Variants in PDLIM1 observed in about 807,000 individuals in gnomAD.
The protein encoded by PDLIM1 is PDZ and LIM domain 1, also known as PDZ and LIM domain protein 1.
A neutral mutation model predicts 35.2 loss-of-function variants in PDLIM1; 25 were observed. The ratio of observed to expected loss-of-function variants is 0.71; its 90% CI spans 0.52 to 0.99. The LOEUF is 0.99. Among genes scored for constraint, PDLIM1 ranks in the 50% least tolerant of loss-of-function variants. PDLIM1 has a pLI of 0.00. For missense variants in PDLIM1, 363 were observed against 415.3 expected (o/e 0.87, Z 1.09); for synonymous variants, 152 against 154.0 (o/e 0.99, Z 0.10).
At chr10:95,259,601 G>A (rs1169073039) in intron 4 of PDLIM1, among the ~76,000 whole-genome samples, 1 of 152,176 alleles carries the variant, frequency 6.6e-6, no homozygotes, top group African/African-American at 2.4e-5. Flanking sequence ...AGAAGAGAGA[G>A]GAATGCCCGC....
chr10:95,256,982 A>AG (rs1430334300), intron 4 of PDLIM1, among the ~76,000 whole-genome samples: 1 of 31,052 alleles, frequency 3.2e-5, no homozygotes, highest in South Asian at 8.3e-4. Flanking sequence ...CTTAAAAAAA[A>AG]AAAAAAAGAA....
intron 1 of PDLIM1, chr10:95,273,352 C>G (rs1162750614): frequency 6.6e-6 from 1 of 152,210 alleles, no homozygotes; most frequent in African/African-American, 2.4e-5. Flanking sequence ...GGCACCAAAC[C>G]AGGACACACA....
intron 5 of PDLIM1, among the ~76,000 whole-genome samples, chr10:95,239,182 A>AT (rs1355310888): frequency 6.6e-6 from 1 of 152,174 alleles, no homozygotes; most frequent in Non-Finnish European, 1.5e-5. Flanking sequence ...TCTTTACACC[A>AT]TATATAAAAA....
rs1012958018 is a variant in PDLIM1, at chr10:95,268,948, T to C, written c.249-86A>G. On this transcript the variant is annotated intron_variant, in intron 2 of 6. Coordinates refer to ENST00000329399, the MANE Select transcript of PDLIM1 (RefSeq NM_020992.4). ...ACAAACTGGAAAAATGCCCCCTCTT[T>C]CCTGGACTAGGCACTGAACTAGCAC... is the stretch of plus-strand genomic sequence containing the variant. 6 of 938,378 alleles carry C rather than the reference T, an allele frequency of 6.4e-6. No individual in the cohort carries two copies. In the African/African-American group the frequency reaches 9.8e-5, roughly 15 times the overall value. 58.1% of individuals were successfully genotyped at this position (938,378 alleles called of 1,614,324 possible).
chr10:95,290,867 G>A lies in PDLIM1; in HGVS notation c.49C>T (p.Arg17Cys). 1 of 1,565,116 alleles carries A rather than the reference G, an allele frequency of 6.4e-7. No homozygotes were observed. The highest frequency in any genetic ancestry group is 8.7e-7 in the Non-Finnish European group (1 of 1,155,502). ...TCGAAGTCCTTGCCGCCCACGAGGCGGAAGCCCCACGGCCCCGGGCCCTGG... is the reference window on the plus strand; with the variant it reads ...TCGAAGTCCTTGCCGCCCACGAGGCAGAAGCCCCACGGCCCCGGGCCCTGG... ...DLQGPGPWGF[R>C]LVGGKDFEQP... is the part of the protein sequence containing the mutation. Residue 17 changes from arginine to cysteine, a missense_variant, in exon 1 of 7, where the codon CGC becomes TGC. By Grantham distance (180) the Arg-to-Cys change is radical. Transcript: ENST00000329399. This position sits in a 1 kb window ranked among gnomAD's most constrained non-coding sequence, Gnocchi z 4.7.
Position 95,271,785 on chromosome 10 carries a change from C to A in PDLIM1, c.97-1G>T. 6.2e-7 allele frequency: 1 copy of A among 1,604,214 alleles called. No individual in the cohort carries two copies. Among genetic ancestry groups the A allele is most frequent in the Non-Finnish European group, 8.5e-7 (1 of 1,177,226 alleles). ...GAGCCGCCTTGCTTCCAGGAGTGAC[C>A]TAGAAAAAAAGGGGAAAGCAGGCTA... On this transcript the variant is annotated splice_acceptor_variant, in intron 1 of 6. Transcript: ENST00000329399. LOFTEE classifies it high-confidence loss of function.
intron 1 of PDLIM1, among the ~76,000 whole-genome samples, chr10:95,276,222 G>C (rs1252540768): frequency 6.6e-6 from 1 of 152,084 alleles, no homozygotes; most frequent in Non-Finnish European, 1.5e-5. Flanking sequence ...AACTTGAAAG[G>C]CTCTCTCATT....
intron 5 of PDLIM1, among the ~76,000 whole-genome samples, chr10:95,244,532 C>T (rs1166570485): frequency 1.3e-5 from 2 of 152,184 alleles, no homozygotes; most frequent in African/African-American, 4.8e-5. Flanking sequence ...GAACCAGAGG[C>T]GTTTCTGAAT....
At chr10:95,238,965 C>CTA (rs1429905833) in intron 5 of PDLIM1, 2 of 315,268 alleles carry the variant, frequency 6.3e-6, no homozygotes, top group African/African-American at 4.2e-5. Flanking sequence ...CAAATTCAAA[C>CTA]TATATTACAA....
intron 4 of PDLIM1, among the ~76,000 whole-genome samples, chr10:95,263,265 G>A (rs943478103): frequency 6.6e-6 from 1 of 151,914 alleles, no homozygotes; most frequent in East Asian, 1.9e-4. Flanking sequence ...TCCACCTGCA[G>A]CCCTACCTCT....
chr10:95,250,877 T>C (rs1430685871), intron 4 of PDLIM1, among the ~76,000 whole-genome samples: 1 of 152,194 alleles, frequency 6.6e-6, no homozygotes, highest in Non-Finnish European at 1.5e-5. Context: ...TTTCTCCCAC[T>C]ATTTTAGGAC....
chr10:95,239,900 T>C (rs544791182), intron 5 of PDLIM1, among the ~76,000 whole-genome samples: 7 of 152,118 alleles, frequency 4.6e-5, no homozygotes, highest in Non-Finnish European at 8.8e-5. Context: ...AAGCTCGACA[T>C]CACTGATCAT....
chr10:95,263,865 G>T lies in PDLIM1; in HGVS notation c.532C>A (p.Pro178Thr). The part of the protein sequence containing the change: ...AASGVEANSR[P>T]LDHAQPPSSL... Reference sequence around the variant, plus strand: ...GAGGAGGACTCCTGGGCTACTTACGGTCTGCTGTTCGCCTCCACCCCGCTG... The same window carrying T: ...GAGGAGGACTCCTGGGCTACTTACGTTCTGCTGTTCGCCTCCACCCCGCTG... Residue 178 changes from proline (P) to threonine (T), a missense_variant and splice_region_variant, in exon 4 of 7, where the codon CCC (proline) becomes ACC (threonine). Transcript: ENST00000329399. 1 of 1,609,772 alleles carries T rather than the reference G, an allele frequency of 6.2e-7. No homozygotes were observed. Among genetic ancestry groups the T allele is most frequent in the Non-Finnish European group, 8.5e-7 (1 of 1,177,736 alleles).
At chr10:95,276,896 T>TAAAAA (rs61442624) in intron 1 of PDLIM1, among the ~76,000 whole-genome samples, 4,242 of 68,878 alleles carry the variant, frequency 0.062, 322 homozygotes, top group Middle Eastern at 0.1. Flanking sequence ...TTCAGTTTCC[T>TAAAAA]AAAAAAAAAA....
rs2035643709 is a variant in PDLIM1, at chr10:95,290,510, C to T, written c.96+310G>A. 6.6e-6 allele frequency among the ~76,000 whole-genome samples: 1 copy of T among 152,128 alleles called. No individual in the cohort carries two copies. The highest frequency in any genetic ancestry group is 1.5e-5 in the Non-Finnish European group (1 of 68,006). On this transcript the variant is annotated intron_variant, in intron 1 of 6. Coordinates refer to ENST00000329399, the MANE Select transcript of PDLIM1 (RefSeq NM_020992.4). The surrounding 1 kb of genome is among the most constrained non-coding windows in gnomAD (Gnocchi z 4.7). ...GGATCTGCGGGGACCCTCGTCCCCT[C>T]GCTGGTTGACAAAGAACTAACACCC...
intron 1 of PDLIM1, among the ~76,000 whole-genome samples, chr10:95,277,196 TAG>T (rs1278901920): frequency 6.6e-6 from 1 of 150,486 alleles, no homozygotes. Flanking sequence ...GCCTGGGTGA[TAG>T]AGTGAGACTT....
chr10:95,276,511 G>A (rs1176028942), intron 1 of PDLIM1, among the ~76,000 whole-genome samples: 4 of 152,186 alleles, frequency 2.6e-5, no homozygotes, highest in Non-Finnish European at 4.4e-5. Context: ...GAAGGCCTGT[G>A]CCTCCAACAC....
chr10:95,288,707 A>G (rs1045494815), intron 1 of PDLIM1, among the ~76,000 whole-genome samples: 2 of 152,228 alleles, frequency 1.3e-5, no homozygotes, highest in Non-Finnish European at 2.9e-5. Context: ...ACAGGCTCAC[A>G]ATTTTTCCAT....
At chr10:95,271,833 C>G in intron 1 of PDLIM1, 49 bp from the exon 2 acceptor site, 5 of 1,581,334 alleles carry the variant, frequency 3.2e-6, no homozygotes, top group Non-Finnish European at 4.3e-6. Context: ...CTCCAAACCA[C>G]TAAGTTACCA....
Sources: gnomAD v4.1 joint callset for allele counts (sites outside exome capture counted in the v4.1 genomes callset) on GRCh38, gnomAD v4.1.1 for gene constraint, Gnocchi (gnomAD v3.1) non-coding constraint, MANE v1.5 for transcripts, NCBI Gene and HGNC (gene_info 2026-07-23, HGNC 2026-07-21) for gene names.